NHLRC2: variants seen among roughly 807,000 people sequenced by gnomAD.
The protein encoded by NHLRC2 is NHL repeat containing 2, also known as NHL repeat-containing protein 2.
Under a neutral mutation model 68.1 loss-of-function variants are expected in NHLRC2, and 33 were observed. The observed-to-expected ratio is 0.48, with a 90% CI of 0.37 to 0.65. NHLRC2 has a LOEUF of 0.65. NHLRC2 is among the 30% of genes least tolerant of loss of function. NHLRC2 has a pLI of 0.00. For missense variants in NHLRC2, 761 were observed against 853.8 expected, an observed-to-expected ratio of 0.89 and a Z score of 1.35; for synonymous variants, 311 against 309.6, an observed-to-expected ratio of 1.00 and a Z score of -0.05.
chr10:113,876,770 C>T lies in NHLRC2; in HGVS notation c.581C>T (p.Ala194Val). 1.9e-6 allele frequency: 3 copies of T among 1,606,504 alleles called. No homozygotes were observed. The highest frequency in any genetic ancestry group is 2.6e-6 in the Non-Finnish European group (3 of 1,173,300). ...AAATTATTTTTATATACTTCAATTG[C>T]TTTAAAGTATTACAAAGACAGGGGG... ...KDKLFLYTSI[A>V]LKYYKDRGQI... The change falls in exon 3 of 11, where the codon GCT becomes GTT. Residue 194 changes from alanine (A) to valine (V), a missense_variant. By Grantham distance (64) the Ala-to-Val change is moderately conservative. Coordinates refer to ENST00000369301, the MANE Select transcript of NHLRC2 (RefSeq NM_198514.4).
At chr10:113,907,103 A>G (rs546694549) in intron 10 of NHLRC2, among the ~76,000 whole-genome samples, 1 of 152,378 alleles carries the variant, frequency 6.6e-6, no homozygotes, top group East Asian at 1.9e-4. Context: ...AGAGTTTTAA[A>G]GAGAATTTAA....
At chr10:113,908,062 A>G (rs1846291456) in intron 10 of NHLRC2, among the ~76,000 whole-genome samples, 1 of 152,232 alleles carries the variant, frequency 6.6e-6, no homozygotes, top group Non-Finnish European at 1.5e-5. Context: ...CAAAGGAAGA[A>G]CTATAATAAT....
intron 3 of NHLRC2, among the ~76,000 whole-genome samples, chr10:113,878,464 T>C (rs1174576049): frequency 6.6e-6 from 1 of 152,192 alleles, no homozygotes; most frequent in Non-Finnish European, 1.5e-5. Context: ...CAAAGAACTT[T>C]CCCAAATCAC....
rs1367127349 is a variant in NHLRC2, at chr10:113,910,568, G to C, written c.*2032G>C. 1 of 152,114 alleles carries C rather than the reference G, an allele frequency of 6.6e-6. No homozygotes were observed. Among genetic ancestry groups the C allele is most frequent in the Non-Finnish European group, 1.5e-5 (1 of 68,022 alleles). 9.4% of individuals were successfully genotyped at this position (152,114 alleles called of 1,614,324 possible). A position where few individuals can be genotyped will look rare whatever the true frequency, so the allele number is the denominator to read the frequency against. ...TCTCATTTCTAGATGGACAGGATGA[G>C]AATATTTTGGCCCAATCATTTTCTG... On this transcript the variant is annotated 3_prime_UTR_variant, in exon 11 of 11. Transcript: ENST00000369301.
chr10:113,900,531 G>A (rs1185736152), intron 6 of NHLRC2, among the ~76,000 whole-genome samples: 3 of 152,110 alleles, frequency 2.0e-5, no homozygotes, highest in African/African-American at 4.8e-5. Context: ...TTTTAAGGAT[G>A]TATTATCTTT....
intron 2 of NHLRC2, among the ~76,000 whole-genome samples, chr10:113,860,980 C>G (rs1263659972): frequency 2.6e-5 from 4 of 152,146 alleles, no homozygotes; most frequent in Admixed American, 6.5e-5. Context: ...CTTTCTAAAT[C>G]CTAAGGAGCT....
Position 113,854,851 on chromosome 10 carries a change from G to C in NHLRC2, c.-22G>C. 3 of 1,531,698 alleles carry C rather than the reference G, an allele frequency of 2.0e-6. No homozygotes were observed. Among genetic ancestry groups the C allele is most frequent in the Non-Finnish European group, 2.6e-6 (3 of 1,139,616 alleles). 94.9% of individuals were successfully genotyped at this position (1,531,698 alleles called of 1,614,324 possible). On this transcript the variant is annotated 5_prime_UTR_variant, in exon 1 of 11. Transcript: ENST00000369301. ...AGACTCTCCCGCGGGCCCGGCGGCCGCATCGGGAGCCCGGCGGAAACATGG... is the reference window on the plus strand; with the variant it reads ...AGACTCTCCCGCGGGCCCGGCGGCCCCATCGGGAGCCCGGCGGAAACATGG...
At position 113,910,535 on chromosome 10, in the gene NHLRC2, A is replaced by T. The variant is rs1846318178; in HGVS notation, c.*1999A>T. On this transcript the variant is annotated 3_prime_UTR_variant, in exon 11 of 11. Coordinates refer to ENST00000369301, the MANE Select transcript of NHLRC2 (RefSeq NM_198514.4). ...GTTAATTTTTAATCTCATTTGACTT[A>T]TTATGTTTCTCATTTCTAGATGGAC... 6.6e-6 allele frequency: 1 copy of T among 152,114 alleles called. No homozygotes were observed. Among genetic ancestry groups the T allele is most frequent in the Non-Finnish European group, 1.5e-5 (1 of 68,030 alleles). The allele number at this position is 152,114 out of a possible 1,614,324, so 9.4% of individuals were successfully genotyped here.
At chr10:113,878,146 A>G (rs189592147) in intron 3 of NHLRC2, among the ~76,000 whole-genome samples, 51 of 152,284 alleles carry the variant, frequency 3.3e-4, no homozygotes, top group African/African-American at 1.1e-3. Context: ...AACACTTTTA[A>G]TGTTATCAGA....
intron 4 of NHLRC2, among the ~76,000 whole-genome samples, chr10:113,880,629 A>G (rs932074112): frequency 6.6e-6 from 1 of 151,874 alleles, no homozygotes; most frequent in African/African-American, 2.4e-5. Flanking sequence ...TCACTTATAT[A>G]CACATAGTAG....
intron 4 of NHLRC2, among the ~76,000 whole-genome samples, chr10:113,883,223 C>T (rs969392080): frequency 2.6e-5 from 4 of 151,858 alleles, no homozygotes; most frequent in Non-Finnish European, 4.4e-5. Context: ...CTTATGTAAA[C>T]ATATTGTCTC....
chr10:113,879,794 T>A, intron 4 of NHLRC2, 99 bp downstream of exon 4: 1 of 743,540 alleles, frequency 1.3e-6, no homozygotes, highest in Non-Finnish European at 2.1e-6. Flanking sequence ...TTCTTATGTA[T>A]GTCAATGTCC....
intron 1 of NHLRC2, 86 bp downstream of exon 1, chr10:113,855,136 G>C: frequency 8.2e-7 from 1 of 1,222,280 alleles, no homozygotes; most frequent in Non-Finnish European, 1.2e-6. Context: ...GGTGGGCTAG[G>C]CGGGTTTGTG....
rs754581706 is a variant in NHLRC2 at position 113,854,917 on chromosome 10, C to G, written c.45C>G (p.Leu15=). ...GGGGCCGCAGCCTCTCCGGCCTGCT[C>G]CCCGCGCAGACCTCGCTAGAGTACG... is the stretch of plus-strand genomic sequence containing the variant. ...GGRGRSLSGL[L]PAQTSLEYAL... Residue 15 remains leucine (L), a synonymous_variant, in exon 1 of 11, where the codon CTC becomes CTG. Coordinates refer to ENST00000369301, the MANE Select transcript of NHLRC2 (RefSeq NM_198514.4). The G allele has an allele frequency of 1.3e-6, 2 of 1,553,324 alleles. No individual in the cohort carries two copies. Among genetic ancestry groups the G allele is most frequent in the Admixed American group, 3.9e-5 (2 of 51,450 alleles).
In NHLRC2 at chr10:113,896,975, C is replaced by A. The variant is rs189312123; in HGVS notation, c.1040-1135C>A. On this transcript the variant is annotated intron_variant, in intron 5 of 10. Coordinates refer to ENST00000369301, the MANE Select transcript of NHLRC2 (RefSeq NM_198514.4). ...CTCCACTGCACTCCAGCCTGGGGGACGGAGTGAGACTCCGCCTCAAAAAAA... is the reference window on the plus strand; with the variant it reads ...CTCCACTGCACTCCAGCCTGGGGGAAGGAGTGAGACTCCGCCTCAAAAAAA... Among the ~76,000 whole-genome samples the A allele has an allele frequency of 4.1e-3, 586 of 144,418 alleles. 3 individuals are homozygous for A. Among genetic ancestry groups the A allele is most frequent in the Middle Eastern group, 7.2e-3 (2 of 278 alleles). The allele number at this position is 144,418 out of a possible 152,430, so 94.7% of individuals were successfully genotyped here.
rs1846376295 is a variant in NHLRC2 at position 113,915,637 on chromosome 10, C to T, written c.*7101C>T. The stretch of plus-strand genomic sequence containing the variant: ...TTAAAATAGTTTTTTTTTCCCTTCC[C>T]ATTTTTTTGTTTTTAAGAGATAGGG... On this transcript the variant is annotated 3_prime_UTR_variant, in exon 11 of 11. Transcript: ENST00000369301. 4.2e-6 allele frequency: 1 copy of T among 236,494 alleles called. No individual in the cohort carries two copies. The highest frequency in any genetic ancestry group is 8.3e-6 in the Non-Finnish European group (1 of 120,836). 14.6% of individuals were successfully genotyped at this position (236,494 alleles called of 1,614,324 possible). A position where few individuals can be genotyped will look rare whatever the true frequency, so the allele number is the denominator to read the frequency against.
intron 2 of NHLRC2, among the ~76,000 whole-genome samples, chr10:113,859,417 A>G (rs1419514307): frequency 6.6e-6 from 1 of 152,178 alleles, no homozygotes; most frequent in Non-Finnish European, 1.5e-5. Context: ...AGATAGGGTC[A>G]CCGATCCTGT....
At chr10:113,885,445 A>G (rs1398329691) in intron 5 of NHLRC2, among the ~76,000 whole-genome samples, 1 of 151,966 alleles carries the variant, frequency 6.6e-6, no homozygotes, top group Non-Finnish European at 1.5e-5. Flanking sequence ...GAATTTTGAA[A>G]TATTAATACA....
At chr10:113,880,151 A>T (rs935990143) in intron 4 of NHLRC2, among the ~76,000 whole-genome samples, 1 of 152,102 alleles carries the variant, frequency 6.6e-6, no homozygotes, top group African/African-American at 2.4e-5. Flanking sequence ...ATTTCTAAAA[A>T]GTCAGCTAAT....
Sources: gnomAD v4.1 joint callset for allele counts (sites outside exome capture counted in the v4.1 genomes callset) on GRCh38, gnomAD v4.1.1 for gene constraint, MANE v1.5 for transcripts, NCBI Gene and HGNC (gene_info 2026-07-23, HGNC 2026-07-21) for gene names.